CNTN5: variants seen among roughly 807,000 people sequenced by gnomAD.
CNTN5 encodes contactin 5.
In CNTN5, 77 loss-of-function variants were observed where a neutral mutation model predicts 129.1. The ratio of observed to expected loss-of-function variants is 0.60; its 90% CI spans 0.50 to 0.72. The LOEUF is 0.72. Among genes scored for constraint, CNTN5 ranks in the 30% least tolerant of loss-of-function variants. The pLI is 0.00. For missense variants in CNTN5, 1,478 were observed against 1,328.8 expected, an observed-to-expected ratio of 1.11 and a Z score of -1.75; for synonymous variants, 509 against 465.6, an observed-to-expected ratio of 1.09 and a Z score of -1.20.
At chr11:100,062,135 G>A (rs1045579492) in intron 10 of CNTN5, among the ~76,000 whole-genome samples, 2 of 151,992 alleles carry the variant, frequency 1.3e-5, no homozygotes, top group Non-Finnish European at 2.9e-5. Flanking sequence ...ATATATAATG[G>A]GTAAGTTAGG....
intron 16 of CNTN5, among the ~76,000 whole-genome samples, chr11:100,238,911 T>C (rs1949681061): frequency 6.6e-6 from 1 of 152,210 alleles, no homozygotes; most frequent in South Asian, 2.1e-4. Flanking sequence ...CTAATGGTGA[T>C]AGAGTACATT....
intron 2 of CNTN5, among the ~76,000 whole-genome samples, chr11:99,383,068 C>A (rs906113933): frequency 2.7e-5 from 4 of 149,272 alleles, no homozygotes; most frequent in African/African-American, 9.8e-5. Flanking sequence ...TATTGGCCAG[C>A]CTGGTCTTGA....
chr11:99,295,391 G>T (rs2406915), intron 1 of CNTN5, among the ~76,000 whole-genome samples: 17,799 of 152,204 alleles, frequency 0.12, 1,078 homozygotes, highest in African/African-American at 0.15. Flanking sequence ...TTTTACAAGA[G>T]AATTTAAAGT....
intron 1 of CNTN5, among the ~76,000 whole-genome samples, chr11:99,280,921 T>C (rs1863666795): frequency 6.6e-6 from 1 of 151,558 alleles, no homozygotes; most frequent in African/African-American, 2.4e-5. Context: ...CAGTTATATA[T>C]AACAACATCA....
In CNTN5 at chr11:99,315,614, G is replaced by A. The variant is rs180719308; in HGVS notation, c.-209-9732G>A. On this transcript the variant is annotated intron_variant, in intron 1 of 24. Transcript: ENST00000524871. ...TTTATATTTTGTGTTGTTTTATTTC[G>A]CTTTAGCCAAGAATGCATAGGAAAA... Among the ~76,000 whole-genome samples, 61 of 149,504 alleles carry A rather than the reference G, an allele frequency of 4.1e-4. 7 individuals carry two copies. The highest frequency in any genetic ancestry group is 4.5e-5 in the Non-Finnish European group (3 of 66,754).
intron 3 of CNTN5, among the ~76,000 whole-genome samples, chr11:99,718,260 T>G (rs749336820): frequency 6.6e-6 from 1 of 152,194 alleles, no homozygotes; most frequent in Non-Finnish European, 1.5e-5. Flanking sequence ...TGTTAATCAC[T>G]CACTGTGTCA....
intron 3 of CNTN5, among the ~76,000 whole-genome samples, chr11:99,774,342 T>TG (rs1265825350): frequency 1.1e-3 from 162 of 151,564 alleles, no homozygotes; most frequent in Non-Finnish European, 1.9e-3. Flanking sequence ...GTTTTTTTTT[T>TG]GGGGGGGTGG....
At chr11:99,543,343 A>G (rs182850956) in intron 2 of CNTN5, among the ~76,000 whole-genome samples, 10 of 152,240 alleles carry the variant, frequency 6.6e-5, no homozygotes, top group Admixed American at 5.2e-4. Context: ...GTGGTCACCT[A>G]TTTCTTGTAC....
chr11:99,202,026 C>T (rs559401306), intron 1 of CNTN5, among the ~76,000 whole-genome samples: 11 of 152,208 alleles, frequency 7.2e-5, no homozygotes, highest in African/African-American at 1.9e-4. Context: ...TTTAGAAATG[C>T]CACATTAAGA....
intron 2 of CNTN5, among the ~76,000 whole-genome samples, chr11:99,430,177 T>C (rs975786143): frequency 3.3e-5 from 5 of 151,562 alleles, no homozygotes; most frequent in South Asian, 2.1e-4. Context: ...ATACCAAAGA[T>C]GGTAAAGGGG....
At chr11:100,285,769 G>C (rs979670608) in intron 18 of CNTN5, among the ~76,000 whole-genome samples, 4 of 152,200 alleles carry the variant, frequency 2.6e-5, no homozygotes, top group African/African-American at 9.6e-5. Flanking sequence ...TGGCCGAATA[G>C]GAACAGCTCC....
chr11:99,109,841 T>C (rs1316029224), intron 1 of CNTN5, among the ~76,000 whole-genome samples: 1 of 152,124 alleles, frequency 6.6e-6, no homozygotes, highest in African/African-American at 2.4e-5. Flanking sequence ...AACATATAGA[T>C]TAATGAAAAA....
At chr11:99,750,379 T>C (rs1227685898) in intron 3 of CNTN5, among the ~76,000 whole-genome samples, 3 of 152,210 alleles carry the variant, frequency 2.0e-5, no homozygotes, top group Non-Finnish European at 4.4e-5. Context: ...TAATTCATTT[T>C]ACTTGTAGAG....
At chr11:100,069,400 C>T (rs1396480647) in intron 10 of CNTN5, among the ~76,000 whole-genome samples, 1 of 152,068 alleles carries the variant, frequency 6.6e-6, no homozygotes, top group Non-Finnish European at 1.5e-5. Context: ...AGTAATCCCT[C>T]TGCCTTGGCC....
chr11:99,125,610 T>G (rs575042575), intron 1 of CNTN5, among the ~76,000 whole-genome samples: 22 of 152,098 alleles, frequency 1.4e-4, no homozygotes, highest in African/African-American at 5.1e-4. Flanking sequence ...GCTAGAGAAA[T>G]TAGGCAAGAG....
chr11:100,062,784 A>C (rs778602956), intron 10 of CNTN5, among the ~76,000 whole-genome samples: 1 of 152,238 alleles, frequency 6.6e-6, no homozygotes, highest in South Asian at 2.1e-4. Context: ...TTTTTAGGCC[A>C]TGAATATTTG....
At chr11:100,105,449 G>A (rs889221972) in intron 13 of CNTN5, among the ~76,000 whole-genome samples, 2 of 152,130 alleles carry the variant, frequency 1.3e-5, no homozygotes, top group Middle Eastern at 3.2e-3. Context: ...CTGTCTTCTG[G>A]AACAACCTGT....
At chr11:99,866,407 T>G (rs767437410) in intron 6 of CNTN5, among the ~76,000 whole-genome samples, 4 of 152,180 alleles carry the variant, frequency 2.6e-5, no homozygotes, top group Admixed American at 6.5e-5. Flanking sequence ...TATTAGATAC[T>G]TATATATTTT....
intron 3 of CNTN5, among the ~76,000 whole-genome samples, chr11:99,766,431 A>G (rs1210785332): frequency 6.6e-6 from 1 of 152,068 alleles, no homozygotes; most frequent in East Asian, 1.9e-4. Flanking sequence ...ATTCCACTAG[A>G]TGGTAACAAC....
Sources: gnomAD v4.1 joint callset for allele counts (sites outside exome capture counted in the v4.1 genomes callset) on GRCh38, gnomAD v4.1.1 for gene constraint, MANE v1.5 for transcripts, NCBI Gene and HGNC (gene_info 2026-07-23, HGNC 2026-07-21) for gene names.